The following SNTG1 variants were observed in gnomAD, a reference collection of about 807,000 sequenced individuals.
SNTG1 encodes gamma-1-syntrophin.
SNTG1 carries 39 observed loss-of-function variants against 74.7 expected under a neutral mutation model. The ratio of observed to expected loss-of-function variants is 0.52; its 90% CI spans 0.40 to 0.68. The LOEUF (loss-of-function observed/expected upper bound fraction) is 0.68. Ranked by LOEUF, SNTG1 falls within the 30% of genes least tolerant of loss-of-function variation. The pLI is 0.00. For synonymous variants in SNTG1, 254 were observed against 217.1 expected, an observed-to-expected ratio of 1.17 and a Z score of -1.49; for missense variants, 685 against 609.5, an observed-to-expected ratio of 1.12 and a Z score of -1.30.
At chr8:50,784,718 G>A (rs940977137) in intron 18 of SNTG1, among the ~76,000 whole-genome samples, 1 of 152,142 alleles carries the variant, frequency 6.6e-6, no homozygotes. Context: ...CCCAATTACA[G>A]AAGAACATAC....
chr8:50,121,519 G>A (rs2080997765), intron 1 of SNTG1, among the ~76,000 whole-genome samples: 2 of 142,240 alleles, frequency 1.4e-5, no homozygotes, highest in Non-Finnish European at 3.1e-5. Flanking sequence ...GAAGATTATA[G>A]AGTCTGTTAG....
intron 18 of SNTG1, among the ~76,000 whole-genome samples, chr8:50,785,976 T>C (rs1375713272): frequency 6.6e-6 from 1 of 151,984 alleles, no homozygotes; most frequent in African/African-American, 2.4e-5. Flanking sequence ...ATAAGTATAC[T>C]GAAGAAAACT....
chr8:50,268,341 T>TAAAGGTG (rs2087587055), intron 2 of SNTG1, among the ~76,000 whole-genome samples: 1 of 152,158 alleles, frequency 6.6e-6, no homozygotes, highest in Admixed American at 6.6e-5. Flanking sequence ...GCCAATTCAT[T>TAAAGGTG]CTCAAATTAA....
chr8:50,404,816 C>G (rs1184392013), intron 4 of SNTG1, among the ~76,000 whole-genome samples: 1 of 152,044 alleles, frequency 6.6e-6, no homozygotes, highest in Non-Finnish European at 1.5e-5. Flanking sequence ...TCCATGCTCT[C>G]CTCCTCTTAA....
At chr8:49,973,109 C>A (rs1160649120) in intron 1 of SNTG1, among the ~76,000 whole-genome samples, 1 of 152,112 alleles carries the variant, frequency 6.6e-6, no homozygotes, top group Admixed American at 6.5e-5. Flanking sequence ...GACTTGGAAC[C>A]AAGCCAAATG....
At chr8:50,331,446 T>C (rs1030063512) in intron 2 of SNTG1, among the ~76,000 whole-genome samples, 1 of 152,162 alleles carries the variant, frequency 6.6e-6, no homozygotes, top group African/African-American at 2.4e-5. Flanking sequence ...ATGGTATTTT[T>C]GGAAATTTAA....
intron 9 of SNTG1, among the ~76,000 whole-genome samples, chr8:50,528,761 A>G (rs1435804170): frequency 6.6e-6 from 1 of 150,932 alleles, no homozygotes; most frequent in East Asian, 1.9e-4. Flanking sequence ...CCCCTCCTTC[A>G]TTCCTGATGT....
intron 11 of SNTG1, among the ~76,000 whole-genome samples, chr8:50,542,040 G>A (rs2094351174): frequency 6.7e-6 from 1 of 148,328 alleles, no homozygotes; most frequent in East Asian, 2.0e-4. Context: ...TATTGCATAT[G>A]TATATATACA....
intron 1 of SNTG1, among the ~76,000 whole-genome samples, chr8:50,145,030 A>G (rs1034600181): frequency 6.6e-6 from 1 of 152,104 alleles, no homozygotes; most frequent in African/African-American, 2.4e-5. Flanking sequence ...AGGAACACCA[A>G]ATGAGGTAGG....
intron 13 of SNTG1, among the ~76,000 whole-genome samples, chr8:50,623,426 A>G (rs1250758736): frequency 6.6e-6 from 1 of 151,980 alleles, no homozygotes; most frequent in Non-Finnish European, 1.5e-5. Flanking sequence ...TCTTCAATTT[A>G]TTTTCTTGTA....
intron 15 of SNTG1, among the ~76,000 whole-genome samples, chr8:50,695,391 A>G (rs1014107936): frequency 2.0e-5 from 3 of 151,988 alleles, no homozygotes; most frequent in Non-Finnish European, 4.4e-5. Context: ...ACAGTCAAGT[A>G]TAGTTTATTT....
chr8:50,399,210 A>AGTGT (rs5891363), intron 3 of SNTG1, among the ~76,000 whole-genome samples: 3 of 151,056 alleles, frequency 2.0e-5, no homozygotes, highest in African/African-American at 4.9e-5. Context: ...TGTGTTTGTG[A>AGTGT]GTGTGTGTGT....
chr8:50,744,440 C>A (rs1413182494), intron 17 of SNTG1, among the ~76,000 whole-genome samples: 2 of 151,856 alleles, frequency 1.3e-5, no homozygotes, highest in African/African-American at 4.8e-5. Flanking sequence ...ATAAAAGAAA[C>A]AACATCCTGT....
At chr8:50,466,380 T>C (rs1219042012) in intron 8 of SNTG1, among the ~76,000 whole-genome samples, 1 of 140,216 alleles carries the variant, frequency 7.1e-6, no homozygotes, top group Non-Finnish European at 1.6e-5. Flanking sequence ...TTTCTGGTCT[T>C]TTTGTTCTCT....
Position 50,793,034 on chromosome 8 carries a change from A to T in SNTG1, c.*205A>T, listed in dbSNP as rs1293654058. 1.7e-5 allele frequency: 7 copies of T among 411,202 alleles called. No homozygotes were observed. The highest frequency in any genetic ancestry group is 4.6e-4 in the Middle Eastern group (1 of 2,154). The allele number at this position is 411,202 out of a possible 1,614,324, so 25.5% of individuals were successfully genotyped here. A position where few individuals can be genotyped will look rare whatever the true frequency, so the allele number is the denominator to read the frequency against. ...GTGAAATATACTACATGAACAGAACAGCTTGTTCTCACTCAGTTGCTTTGT... is the reference window on the plus strand; with the variant it reads ...GTGAAATATACTACATGAACAGAACTGCTTGTTCTCACTCAGTTGCTTTGT... On this transcript the variant is annotated 3_prime_UTR_variant, in exon 19 of 19. Transcript: ENST00000642720.
At chr8:50,648,826 T>G (rs369753964) in intron 13 of SNTG1, among the ~76,000 whole-genome samples, 1 of 152,312 alleles carries the variant, frequency 6.6e-6, no homozygotes, top group South Asian at 2.1e-4. Context: ...CCCTACTTAG[T>G]GCACAACTGA....
Position 50,747,439 on chromosome 8 carries a change from G to C in SNTG1, c.1285-4562G>C, listed in dbSNP as rs1262461730. Among the ~76,000 whole-genome samples, 7 of 151,048 alleles carry C rather than the reference G, an allele frequency of 4.6e-5. No individual in the cohort carries two copies. The South Asian group carries it at 1.5e-3, about 32-fold the overall frequency. On this transcript the variant is annotated intron_variant, in intron 17 of 18. Transcript: ENST00000642720. ...TAGCTTAAGTACTACAAGTTTTTTT[G>C]TGCATGTGTGTTTTACTCTTAAAAA...
At chr8:50,505,329 C>A (rs908636434) in intron 9 of SNTG1, among the ~76,000 whole-genome samples, 2 of 152,100 alleles carry the variant, frequency 1.3e-5, no homozygotes, top group East Asian at 3.9e-4. Context: ...ACTCTGCTTT[C>A]GGTTATTTTG....
At chr8:50,718,316 CAA>C (rs2095479608) in intron 17 of SNTG1, among the ~76,000 whole-genome samples, 1 of 152,088 alleles carries the variant, frequency 6.6e-6, no homozygotes, top group Non-Finnish European at 1.5e-5. Context: ...AGTCAGGCAC[CAA>C]ATCTGAGGAA....
Sources: allele counts gnomAD v4.1 joint callset (sites outside exome capture counted in the v4.1 genomes callset), GRCh38; gene constraint gnomAD v4.1.1; transcripts MANE v1.5; gene names NCBI Gene and HGNC (gene_info 2026-07-23, HGNC 2026-07-21).